The following HSPG2 variants were observed in gnomAD, a reference collection of about 807,000 sequenced individuals.
The protein encoded by HSPG2 is basement membrane-specific heparan sulfate proteoglycan core protein.
Under a neutral mutation model 526.6 loss-of-function variants are expected in HSPG2, and 278 were observed. The ratio of observed to expected loss-of-function variants is 0.53; its 90% CI spans 0.48 to 0.58. The LOEUF (loss-of-function observed/expected upper bound fraction) is 0.58. Ranked by LOEUF, HSPG2 falls within the 20% of genes least tolerant of loss-of-function variation. The pLI, the probability that HSPG2 is intolerant of heterozygous loss-of-function variation, is 0.00. For synonymous variants in HSPG2, 2,465 were observed against 2,555.4 expected, an observed-to-expected ratio of 0.96 and a Z score of 1.07; for missense variants, 5,354 against 6,099.5, an observed-to-expected ratio of 0.88 and a Z score of 4.07.
In HSPG2 at chr1:21,839,587, G is replaced by A. The variant is rs2098040591; in HGVS notation, c.9710-37C>T. 6.2e-7 allele frequency: 1 copy of A among 1,609,104 alleles called. No individual in the cohort carries two copies. Among genetic ancestry groups the A allele is most frequent in the Non-Finnish European group, 8.5e-7 (1 of 1,177,296 alleles). On this transcript the variant is annotated intron_variant, in intron 72 of 96. Transcript: ENST00000374695. This position sits in a 1 kb window ranked among gnomAD's most constrained non-coding sequence, Gnocchi z 4.5. ...AGTGGAAGATGACAGAAGTCACTGG[G>A]CTACCTCAGGGACCCGCAGAGGGTG...
chr1:21,892,483 C>G (rs930560433), intron 3 of HSPG2, among the ~76,000 whole-genome samples: 2 of 152,226 alleles, frequency 1.3e-5, no homozygotes, highest in South Asian at 2.1e-4. Flanking sequence ...CTTCGTTCTT[C>G]GAGACCAAGG....
In HSPG2 at chr1:21,859,250, C is replaced by T. The variant is rs192532611; in HGVS notation, c.5293+316G>A. Among the ~76,000 whole-genome samples, 206 of 152,142 alleles carry T rather than the reference C, an allele frequency of 1.4e-3. No individual in the cohort carries two copies. Among genetic ancestry groups the T allele is most frequent in the African/African-American group, 4.4e-3 (182 of 41,512 alleles). ...TTGTACTAGAGACAGGGTTTTACGA[C>T]GTTGGCCAGGCTGGTCTCGAACTCC... On this transcript the variant is annotated intron_variant, in intron 42 of 96. Transcript: ENST00000374695. The surrounding 1 kb of genome is among the most constrained non-coding windows in gnomAD (Gnocchi z 5.3).
At chr1:21,852,623 G>A in intron 52 of HSPG2, 77 bp downstream of exon 52, 1 of 1,594,584 alleles carries the variant, frequency 6.3e-7, no homozygotes, top group Non-Finnish European at 8.6e-7. Context: ...CTGTCAGCAA[G>A]AGGGGTCCCT....
At chr1:21,925,783 G>A (rs928324521) in intron 1 of HSPG2, among the ~76,000 whole-genome samples, 2 of 152,148 alleles carry the variant, frequency 1.3e-5, no homozygotes, top group Non-Finnish European at 2.9e-5. Context: ...AAACAATGAT[G>A]ACTTGGGAGT....
Position 21,904,846 on chromosome 1 carries a change from C to A in HSPG2, c.64-8536G>T, listed in dbSNP as rs1446321231. 6.6e-6 allele frequency among the ~76,000 whole-genome samples: 1 copy of A among 152,180 alleles called. No homozygotes were observed. The highest frequency in any genetic ancestry group is 1.5e-5 in the Non-Finnish European group (1 of 68,020). On this transcript the variant is annotated intron_variant, in intron 1 of 96. Transcript: ENST00000374695. This position sits in a 1 kb window ranked among gnomAD's most constrained non-coding sequence, Gnocchi z 4.4. The stretch of plus-strand genomic sequence containing the variant: ...CTGGCTTGGTTCTCAGGTTCTCCGG[C>A]TCCCAGCTGCCCTGCTGCCCTGGCA...
intron 1 of HSPG2, among the ~76,000 whole-genome samples, chr1:21,925,208 G>A (rs78541680): frequency 0.012 from 1,877 of 152,316 alleles, 36 homozygotes; most frequent in African/African-American, 0.039. Context: ...AACAATGAGC[G>A]CGATGTCAGG....
chr1:21,856,979 C>A, intron 44 of HSPG2, 36 bp downstream of exon 44: 2 of 1,603,364 alleles, frequency 1.2e-6, no homozygotes, highest in Non-Finnish European at 1.7e-6. Flanking sequence ...GGGGGAGAGA[C>A]AGGAGGGGAG....
At chr1:21,888,118 C>G in intron 6 of HSPG2, 52 bp from the exon 7 acceptor site, 1 of 1,609,590 alleles carries the variant, frequency 6.2e-7, no homozygotes. Flanking sequence ...GAGGCAGGTG[C>G]GGGAAGCTGT....
chr1:21,878,316 T>G, intron 20 of HSPG2, 63 bp from the exon 21 acceptor site: 3 of 1,592,184 alleles, frequency 1.9e-6, no homozygotes, highest in Middle Eastern at 1.7e-4. Context: ...TCCGGGCAGA[T>G]AGAGGAACAG....
chr1:21,851,447 C>T (rs1301830331), intron 55 of HSPG2, 99 bp downstream of exon 55: 9 of 1,567,446 alleles, frequency 5.7e-6, no homozygotes, highest in African/African-American at 1.3e-5. Context: ...GGGTCCAGGG[C>T]TTCCTGATCT....
rs1639177090 is a variant in HSPG2 at position 21,854,505 on chromosome 1, G to T, written c.6288+106C>A. 3.4e-6 allele frequency: 5 copies of T among 1,455,438 alleles called. No homozygotes were observed. The Admixed American group carries it at 1.0e-4, about 30-fold the overall frequency. The allele number at this position is 1,455,438 out of a possible 1,614,324, so 90.2% of individuals were successfully genotyped here. On this transcript the variant is annotated intron_variant, in intron 49 of 96. Coordinates refer to ENST00000374695, the MANE Select transcript of HSPG2 (RefSeq NM_005529.7). ...AGATGAGGCCTGGCTTCTGCTGGTG[G>T]AACGTGTGGGGCAGTGTGCCGCCTC...
Position 21,829,466 on chromosome 1 carries a change from C to G in HSPG2, c.11909G>C (p.Gly3970Ala), listed in dbSNP as rs374365576. The change falls in exon 87 of 97, where the codon GGG becomes GCG. Residue 3970 changes from glycine (G) to alanine (A), a missense_variant. Coordinates refer to ENST00000374695, the MANE Select transcript of HSPG2 (RefSeq NM_005529.7). The stretch of plus-strand genomic sequence containing the variant: ...GTCCTCCACAGGCCCGCTCTTCCCC[C>G]CGCTGAACAGCAGGACCCCGTCAGG... Reference protein sequence around the residue: ...LAPDGVLLFSGGKSGPVEDFV... With the variant: ...LAPDGVLLFSAGKSGPVEDFV... 1.2e-6 allele frequency: 2 copies of G among 1,613,272 alleles called. No homozygotes were observed. Among genetic ancestry groups the G allele is most frequent in the South Asian group, 1.1e-5 (1 of 91,084 alleles).
Position 21,822,246 on chromosome 1 carries a change from G to GATAAA in HSPG2, c.*1069_*1070insTTTAT, listed in dbSNP as rs2097953547. On this transcript the variant is annotated 3_prime_UTR_variant, in exon 97 of 97. Transcript: ENST00000374695. ...TCATCAAAGACTCAGGAGGCCCCTG[G>GATAAA]CGGGGATAGCACCGTTTATTAAGAA... is the stretch of plus-strand genomic sequence containing the variant. 2 of 1,602,748 alleles carry GATAAA rather than the reference G, an allele frequency of 1.2e-6. No homozygotes were observed. The highest frequency in any genetic ancestry group is 1.7e-6 in the Non-Finnish European group (2 of 1,169,828).
chr1:21,875,914 G>C lies in HSPG2; in HGVS notation c.3132C>G (p.Ala1044=), dbSNP rs759433713. Reference sequence around the variant, plus strand: ...TGGGCTGGCCGGGGCTGGGCTCCTGGGCCACATGGTGCTCTAGGATGATGT... The same window carrying C: ...TGGGCTGGCCGGGGCTGGGCTCCTGCGCCACATGGTGCTCTAGGATGATGT... The part of the protein sequence containing the change: ...GNNIILEHHV[A]QEPSPGQPST... Residue 1044 remains alanine (A), a synonymous_variant, in exon 24 of 97, where the codon GCC becomes GCG. Coordinates refer to ENST00000374695, the MANE Select transcript of HSPG2 (RefSeq NM_005529.7). The C allele has an allele frequency of 1.9e-6, 3 of 1,614,184 alleles. No homozygotes were observed. Among genetic ancestry groups the C allele is most frequent in the Non-Finnish European group, 8.5e-7 (1 of 1,180,044 alleles).
intron 64 of HSPG2, among the ~76,000 whole-genome samples, chr1:21,844,759 T>G (rs1038454160): frequency 6.6e-6 from 1 of 152,242 alleles, no homozygotes; most frequent in African/African-American, 2.4e-5. Flanking sequence ...AACAATGCCA[T>G]CTACCTCAAA....
At position 21,890,234 on chromosome 1, in the gene HSPG2, T is replaced by A; in HGVS notation, c.414-93A>T. 6.7e-7 allele frequency: 1 copy of A among 1,502,700 alleles called. No homozygotes were observed. The highest frequency in any genetic ancestry group is 1.1e-5 in the South Asian group (1 of 88,826). The allele number at this position is 1,502,700 out of a possible 1,614,324, so 93.1% of individuals were successfully genotyped here. ...CTCCCGCCCCGACGCTCAGGCCCTG[T>A]TCCGGGACAGCCTGTACCCAAAGAA... is the stretch of plus-strand genomic sequence containing the variant. On this transcript the variant is annotated intron_variant, in intron 5 of 96. Coordinates refer to ENST00000374695, the MANE Select transcript of HSPG2 (RefSeq NM_005529.7). The surrounding 1 kb of genome is among the most constrained non-coding windows in gnomAD (Gnocchi z 4.1).
intron 1 of HSPG2, among the ~76,000 whole-genome samples, chr1:21,916,981 G>A (rs558515592): frequency 3.9e-5 from 6 of 152,240 alleles, no homozygotes; most frequent in Non-Finnish European, 5.9e-5. Flanking sequence ...AACGGCTAAC[G>A]GAAATCGAAC....
In HSPG2 at chr1:21,888,036, G is replaced by A. The variant is rs779155319; in HGVS notation, c.605C>T (p.Ala202Val). The A allele has an allele frequency of 2.6e-5, 42 of 1,614,046 alleles. No homozygotes were observed. Among genetic ancestry groups the A allele is most frequent in the Non-Finnish European group, 3.4e-5 (40 of 1,180,056 alleles). ...VPQFPRACTE[A>V]EFACHSYNEC... ...ATTGTAGCTGTGGCAGGCAAACTCG[G>A]CCTCCGTGCAGGCTCTTGGGAACTG... Residue 202 changes from alanine to valine, a missense_variant, in exon 7 of 97, where the codon GCC becomes GTC. By Grantham distance (64) the Ala-to-Val change is moderately conservative. Coordinates refer to ENST00000374695, the MANE Select transcript of HSPG2 (RefSeq NM_005529.7).
At chr1:21,841,372 G>T in intron 70 of HSPG2, 87 bp from the exon 71 acceptor site, 1 of 1,577,598 alleles carries the variant, frequency 6.3e-7, no homozygotes. Context: ...AGTAACTGCT[G>T]GGTGGGCACC....
Sources: allele counts gnomAD v4.1 joint callset (sites outside exome capture counted in the v4.1 genomes callset), GRCh38; gene constraint gnomAD v4.1.1; non-coding constraint Gnocchi (gnomAD v3.1); transcripts MANE v1.5; gene names NCBI Gene and HGNC (gene_info 2026-07-23, HGNC 2026-07-21).